Variants in ATXN10 observed in about 807,000 individuals in gnomAD.
The protein encoded by ATXN10 is ataxin 10.
Under a neutral mutation model 52.9 loss-of-function variants are expected in ATXN10, and 28 were observed. The observed-to-expected ratio is 0.53, with a 90% CI of 0.39 to 0.73. The LOEUF (loss-of-function observed/expected upper bound fraction) is 0.73, where lower values mean the gene tolerates loss of function less well. Among genes scored for constraint, ATXN10 ranks in the 30% least tolerant of loss-of-function variants. The pLI is 0.00. For missense variants in ATXN10, 565 were observed against 577.0 expected (o/e 0.98, Z 0.21); for synonymous variants, 226 against 221.5 (o/e 1.02, Z -0.18).
intron 2 of ATXN10, among the ~76,000 whole-genome samples, chr22:45,691,788 G>A (rs1024938756): frequency 6.6e-6 from 1 of 152,200 alleles, no homozygotes; most frequent in Non-Finnish European, 1.5e-5. Flanking sequence ...AGCTACTCTG[G>A]AGGCTGAGGC....
At chr22:45,802,675 T>A (rs1367806847) in intron 9 of ATXN10, among the ~76,000 whole-genome samples, 1 of 152,228 alleles carries the variant, frequency 6.6e-6, no homozygotes, top group Non-Finnish European at 1.5e-5. Context: ...ATACCCTCAG[T>A]TGACACACAA....
At chr22:45,779,704 A>G (rs1927079111) in intron 9 of ATXN10, among the ~76,000 whole-genome samples, 1 of 152,226 alleles carries the variant, frequency 6.6e-6, no homozygotes, top group Non-Finnish European at 1.5e-5. Context: ...GAAAGGACCA[A>G]TTCTATATTG....
intron 9 of ATXN10, among the ~76,000 whole-genome samples, chr22:45,782,840 G>A (rs927262000): frequency 1.3e-5 from 2 of 152,198 alleles, no homozygotes; most frequent in Non-Finnish European, 2.9e-5. Context: ...TGTTGAAACC[G>A]AGGATAGTAC....
At chr22:45,731,294 T>G (rs2146791300) in intron 7 of ATXN10, among the ~76,000 whole-genome samples, 1 of 152,228 alleles carries the variant, frequency 6.6e-6, no homozygotes, top group Non-Finnish European at 1.5e-5. Context: ...GATATATCGG[T>G]CATGACAGAA....
At position 45,837,333 on chromosome 22, in the gene ATXN10, C is replaced by T. The variant is rs1929199622; in HGVS notation, c.1238-5658C>T. Among the ~76,000 whole-genome samples the T allele has an allele frequency of 6.6e-6, 1 of 152,176 alleles. No homozygotes were observed. The highest frequency in any genetic ancestry group is 2.1e-4 in the South Asian group (1 of 4,832). On this transcript the variant is annotated intron_variant, in intron 10 of 11. Transcript: ENST00000252934. The surrounding 1 kb of genome is among the most constrained non-coding windows in gnomAD (Gnocchi z 5.8). ...GCAGTGCAGTGGCGCAATCTCGGCT[C>T]ACTGCAGCCTCTGCCTCCCGGGTTT...
chr22:45,729,129 C>T (rs561755643), intron 6 of ATXN10, among the ~76,000 whole-genome samples: 2 of 152,190 alleles, frequency 1.3e-5, no homozygotes, highest in South Asian at 4.1e-4. Flanking sequence ...TGTGTTCATA[C>T]AAAAAACTGA....
chr22:45,767,376 G>C (rs1343699319), intron 9 of ATXN10, among the ~76,000 whole-genome samples: 5 of 151,470 alleles, frequency 3.3e-5, no homozygotes, highest in Non-Finnish European at 5.9e-5. Context: ...TACAGAGGGA[G>C]AAATATGAAT....
At chr22:45,803,038 T>G (rs1010696408) in intron 9 of ATXN10, among the ~76,000 whole-genome samples, 2 of 152,242 alleles carry the variant, frequency 1.3e-5, no homozygotes, top group African/African-American at 4.8e-5. Flanking sequence ...ATGAACTAAT[T>G]GCATTTAACA....
At chr22:45,822,170 A>G (rs898008042) in intron 10 of ATXN10, among the ~76,000 whole-genome samples, 2 of 152,204 alleles carry the variant, frequency 1.3e-5, no homozygotes, top group Admixed American at 6.5e-5. Flanking sequence ...ATAGCATTTC[A>G]TTGCAAGAAA....
At chr22:45,802,108 A>G (rs2146879638) in intron 9 of ATXN10, among the ~76,000 whole-genome samples, 1 of 152,342 alleles carries the variant, frequency 6.6e-6, no homozygotes, top group South Asian at 2.1e-4. Context: ...GGGAAAGAAC[A>G]GTTCCCAAAT....
In ATXN10 at chr22:45,671,892, G is replaced by T; in HGVS notation, c.-172G>T. The T allele has an allele frequency of 1.5e-6, 1 of 676,442 alleles. No homozygotes were observed. Among genetic ancestry groups the T allele is most frequent in the Non-Finnish European group, 2.3e-6 (1 of 425,950 alleles). 41.9% of individuals were successfully genotyped at this position (676,442 alleles called of 1,614,324 possible). On this transcript the variant is annotated 5_prime_UTR_variant, in exon 1 of 12. Coordinates refer to ENST00000252934, the MANE Select transcript of ATXN10 (RefSeq NM_013236.4). ...GCTCAGCCTAGAGCTCTCCGGCGGC[G>T]GCGCAGCTTCAGGGCAGCGCGGGCT...
chr22:45,723,129 G>A (rs887055156), intron 6 of ATXN10, among the ~76,000 whole-genome samples: 2 of 151,630 alleles, frequency 1.3e-5, no homozygotes, highest in African/African-American at 2.4e-5. Context: ...AAAGTCATAT[G>A]TGTGTGTGTG....
At chr22:45,830,522 C>G (rs1222165085) in intron 10 of ATXN10, among the ~76,000 whole-genome samples, 1 of 151,912 alleles carries the variant, frequency 6.6e-6, no homozygotes, top group African/African-American at 2.4e-5. Flanking sequence ...ATAAAACAAC[C>G]TCATTCAAAA....
rs201385485 is a variant in ATXN10, at chr22:45,843,158, A to C, written c.1405A>C (p.Thr469Pro). ...AGGCGAAAAGCTGATCCTGAAATCTACTAGAGACACCCCTAAGCCAGTAAG... is the reference window on the plus strand; with the variant it reads ...AGGCGAAAAGCTGATCCTGAAATCTCCTAGAGACACCCCTAAGCCAGTAAG... ...KKGEKLILKS[T>P]RDTPKP The change falls in exon 11 of 12, where the codon ACT (threonine) becomes CCT (proline). Residue 469 changes from threonine to proline, a missense_variant. Physicochemically the swap from Thr to Pro is conservative, Grantham distance 38 (BLOSUM62 -1). Transcript: ENST00000252934. The surrounding 1 kb of genome is among the most constrained non-coding windows in gnomAD (Gnocchi z 4.5). The C allele has an allele frequency of 6.2e-7, 1 of 1,613,974 alleles. No individual in the cohort carries two copies. Among genetic ancestry groups the C allele is most frequent in the Non-Finnish European group, 8.5e-7 (1 of 1,179,852 alleles).
intron 9 of ATXN10, among the ~76,000 whole-genome samples, chr22:45,797,279 C>T (rs1234596684): frequency 6.6e-6 from 1 of 152,108 alleles, no homozygotes; most frequent in Non-Finnish European, 1.5e-5. Flanking sequence ...CTTTCCAGTA[C>T]ACATAGAACA....
rs941317181 is a variant in ATXN10 at position 45,715,948 on chromosome 22, G to A, written c.648-2465G>A. On this transcript the variant is annotated intron_variant, in intron 5 of 11. Transcript: ENST00000252934. This position sits in a 1 kb window ranked among gnomAD's most constrained non-coding sequence, Gnocchi z 4.4. ...AAATTAGAAAATATTTTGACCTGAAGTACCAAGTTTTGTGGGATAAAGCAA... is the reference window on the plus strand; with the variant it reads ...AAATTAGAAAATATTTTGACCTGAAATACCAAGTTTTGTGGGATAAAGCAA... 6.6e-6 allele frequency among the ~76,000 whole-genome samples: 1 copy of A among 152,122 alleles called. No homozygotes were observed.
chr22:45,699,062 C>T lies in ATXN10; in HGVS notation c.392-1220C>T, dbSNP rs138136110. On this transcript the variant is annotated intron_variant, in intron 3 of 11. Coordinates refer to ENST00000252934, the MANE Select transcript of ATXN10 (RefSeq NM_013236.4). ...TCAGGGAATAATTGCAGTGGTATGACGAATATATTATGCCCATCAAATTTT... is the reference window on the plus strand; with the variant it reads ...TCAGGGAATAATTGCAGTGGTATGATGAATATATTATGCCCATCAAATTTT... Among the ~76,000 whole-genome samples, 199 of 152,100 alleles carry T rather than the reference C, an allele frequency of 1.3e-3. 2 individuals are homozygous for T. The highest frequency in any genetic ancestry group is 0.011 in the Admixed American group (168 of 15,270).
At chr22:45,731,345 G>A (rs552040761) in intron 7 of ATXN10, among the ~76,000 whole-genome samples, 1 of 152,318 alleles carries the variant, frequency 6.6e-6, no homozygotes, top group East Asian at 1.9e-4. Context: ...TGAATGAGTG[G>A]AATTGATTGC....
rs541739381 is a variant in ATXN10, at chr22:45,748,508, C to T, written c.1173+7970C>T. Reference sequence around the variant, plus strand: ...GATTCTTGTCATAAATGTTTTCTGACTTGAATTTCTCTTATGTTATTATCT... The same window carrying T: ...GATTCTTGTCATAAATGTTTTCTGATTTGAATTTCTCTTATGTTATTATCT... On this transcript the variant is annotated intron_variant, in intron 9 of 11. Transcript: ENST00000252934. Among the ~76,000 whole-genome samples, 9 of 152,172 alleles carry T rather than the reference C, an allele frequency of 5.9e-5. No homozygotes were observed. In the South Asian group the frequency reaches 1.9e-3, roughly 32 times the overall value.
Sources: allele counts gnomAD v4.1 joint callset (sites outside exome capture counted in the v4.1 genomes callset), GRCh38; gene constraint gnomAD v4.1.1; non-coding constraint Gnocchi (gnomAD v3.1); transcripts MANE v1.5; gene names NCBI Gene and HGNC (gene_info 2026-07-23, HGNC 2026-07-21).